The following KHDRBS2 variants were observed in gnomAD, a reference collection of about 807,000 sequenced individuals.
The protein encoded by KHDRBS2 is KH RNA binding domain containing, signal transduction associated 2.
Under a neutral mutation model 44.3 loss-of-function variants are expected in KHDRBS2, and 26 were observed. The observed-to-expected ratio is 0.59, with a 90% CI of 0.43 to 0.81. The LOEUF is 0.81. Among genes scored for constraint, KHDRBS2 ranks in the 40% least tolerant of loss-of-function variants. The pLI is 0.00. For missense variants in KHDRBS2, 476 were observed against 433.1 expected (o/e 1.10, Z -0.88); for synonymous variants, 194 against 151.1 (o/e 1.28, Z -2.08).
intron 6 of KHDRBS2, among the ~76,000 whole-genome samples, chr6:61,778,536 G>T (rs1782452642): frequency 1.3e-5 from 2 of 152,058 alleles, no homozygotes; most frequent in Non-Finnish European, 2.9e-5. Flanking sequence ...AAAATAAAAT[G>T]GGCAGTTAAA....
intron 2 of KHDRBS2, among the ~76,000 whole-genome samples, chr6:62,084,597 A>C (rs973045949): frequency 1.3e-5 from 2 of 152,198 alleles, no homozygotes; most frequent in Non-Finnish European, 2.9e-5. Context: ...ATCTCAAGGC[A>C]TGAATAAAAC....
chr6:61,639,464 C>T, the KHDRBS2 span, among the ~76,000 whole-genome samples: 19 of 152,034 alleles, frequency 1.2e-4, no homozygotes, highest in African/African-American at 4.3e-4. Context: ...TCTTTTTACC[C>T]TTCTCCCAAT....
In KHDRBS2 at chr6:62,148,918, C is replaced by T. The variant is rs142741006; in HGVS notation, c.219+28267G>A. On this transcript the variant is annotated intron_variant, in intron 2 of 8. Transcript: ENST00000281156. ...AGTAACTATTTCTCTACCCCCTTCA[C>T]GTGTGAATGGCTAATCAAAGACTCA... Among the ~76,000 whole-genome samples, 830 of 152,194 alleles carry T rather than the reference C, an allele frequency of 5.5e-3. 9 individuals carry two copies. The highest frequency in any genetic ancestry group is 0.019 in the African/African-American group (786 of 41,548).
chr6:62,207,108 CCTAT>C (rs1828121529), intron 1 of KHDRBS2, among the ~76,000 whole-genome samples: 1 of 151,976 alleles, frequency 6.6e-6, no homozygotes, highest in Admixed American at 6.6e-5. Flanking sequence ...TGTGATACTT[CCTAT>C]CTGTGAGTTG....
At chr6:61,945,627 G>T (rs1813206715) in intron 4 of KHDRBS2, among the ~76,000 whole-genome samples, 1 of 151,192 alleles carries the variant, frequency 6.6e-6, no homozygotes, top group South Asian at 2.1e-4. Context: ...GATTTTTATG[G>T]ATTTAATTTT....
At chr6:61,605,365 T>C in the KHDRBS2 span, among the ~76,000 whole-genome samples, 1 of 152,134 alleles carries the variant, frequency 6.6e-6, no homozygotes, top group East Asian at 1.9e-4. Flanking sequence ...CTTAGTACCA[T>C]ACCATAGCTG....
chr6:62,045,172 A>G (rs1405487585), intron 3 of KHDRBS2, among the ~76,000 whole-genome samples: 1 of 152,086 alleles, frequency 6.6e-6, no homozygotes, highest in East Asian at 1.9e-4. Flanking sequence ...ACAATAAAGA[A>G]TGAAGGTGAG....
intron 1 of KHDRBS2, among the ~76,000 whole-genome samples, chr6:62,261,970 G>A (rs966418887): frequency 2.0e-5 from 3 of 151,622 alleles, no homozygotes; most frequent in African/African-American, 7.3e-5. Flanking sequence ...TTTATTTTAA[G>A]AACTGACAAC....
chr6:62,161,579 G>T (rs1029918701), intron 2 of KHDRBS2, among the ~76,000 whole-genome samples: 1 of 130,014 alleles, frequency 7.7e-6, no homozygotes, highest in Non-Finnish European at 1.6e-5. Context: ...TTTGCGGGGG[G>T]GGGGGGGGTC....
At chr6:62,037,409 G>T (rs1283440587) in intron 3 of KHDRBS2, among the ~76,000 whole-genome samples, 4 of 151,250 alleles carry the variant, frequency 2.6e-5, no homozygotes. Context: ...GAGTCATTTG[G>T]TGTTTCAAAT....
the KHDRBS2 span, among the ~76,000 whole-genome samples, chr6:61,661,781 A>T: frequency 2.0e-5 from 3 of 152,012 alleles, no homozygotes; most frequent in East Asian, 2.0e-4. Context: ...TTCCATGCTC[A>T]TGGGTAGGAA....
At chr6:61,739,719 TA>T (rs773272568) in intron 6 of KHDRBS2, among the ~76,000 whole-genome samples, 3 of 151,926 alleles carry the variant, frequency 2.0e-5, no homozygotes, top group African/African-American at 7.2e-5. Context: ...ATCTGTAGTG[TA>T]AAAACTCTTA....
At chr6:61,749,173 C>T (rs1250421944) in intron 6 of KHDRBS2, among the ~76,000 whole-genome samples, 3 of 151,718 alleles carry the variant, frequency 2.0e-5, no homozygotes, top group Admixed American at 6.6e-5. Flanking sequence ...CCACCATGCC[C>T]GGCTAATTTT....
intron 7 of KHDRBS2, among the ~76,000 whole-genome samples, chr6:61,698,683 C>T (rs144438456): frequency 1.3e-5 from 2 of 151,978 alleles, no homozygotes; most frequent in African/African-American, 4.8e-5. Flanking sequence ...ATTTGTCCCC[C>T]CCTTGTATTT....
chr6:62,065,780 T>C lies in KHDRBS2; in HGVS notation c.220-17786A>G, dbSNP rs1183797715. ...CACATGTACCCTAAAACTTAAAGTA[T>C]AAAAAAAAAAAAAGAATGATCCATG... On this transcript the variant is annotated intron_variant, in intron 2 of 8. Coordinates refer to ENST00000281156, the MANE Select transcript of KHDRBS2 (RefSeq NM_152688.4). 1.4e-4 allele frequency among the ~76,000 whole-genome samples: 17 copies of C among 125,492 alleles called. No homozygotes were observed. In the East Asian group the frequency reaches 4.0e-3, roughly 29 times the overall value. 82.3% of individuals were successfully genotyped at this position (125,492 alleles called of 152,430 possible).
chr6:61,927,774 T>C (rs562701843), intron 4 of KHDRBS2, among the ~76,000 whole-genome samples: 3 of 152,138 alleles, frequency 2.0e-5, no homozygotes, highest in Non-Finnish European at 4.4e-5. Context: ...TACCATATAA[T>C]GCCCATCTGT....
intron 1 of KHDRBS2, among the ~76,000 whole-genome samples, chr6:62,200,652 T>A (rs1294749816): frequency 2.0e-5 from 3 of 152,172 alleles, no homozygotes; most frequent in African/African-American, 7.2e-5. Flanking sequence ...ATAAACTAGT[T>A]CAACCATTGT....
chr6:61,686,912 A>T (rs1254874841), intron 8 of KHDRBS2, among the ~76,000 whole-genome samples: 3 of 151,432 alleles, frequency 2.0e-5, no homozygotes, highest in Non-Finnish European at 4.4e-5. Flanking sequence ...AAAAAATGAG[A>T]TTTACTGTAG....
chr6:61,734,550 T>G (rs980047568), intron 6 of KHDRBS2, among the ~76,000 whole-genome samples: 4 of 152,100 alleles, frequency 2.6e-5, no homozygotes, highest in African/African-American at 9.6e-5. Flanking sequence ...TTGTTAAATT[T>G]AGTTCTATTA....
Sources: allele counts gnomAD v4.1 joint callset (sites outside exome capture counted in the v4.1 genomes callset), GRCh38; gene constraint gnomAD v4.1.1; transcripts MANE v1.5; gene names NCBI Gene and HGNC (gene_info 2026-07-23, HGNC 2026-07-21).